NRP1: variants seen among roughly 807,000 people sequenced by gnomAD.
NRP1 encodes neuropilin-1.
NRP1 carries 35 observed loss-of-function variants against 106.7 expected under a neutral mutation model. The ratio of observed to expected loss-of-function variants is 0.33; its 90% CI spans 0.25 to 0.43. The LOEUF is 0.43. Ranked by LOEUF, NRP1 falls within the 20% of genes least tolerant of loss-of-function variation. The pLI, the probability that NRP1 is intolerant of heterozygous loss-of-function variation, is 1.00. For synonymous variants in NRP1, 437 were observed against 417.9 expected, an observed-to-expected ratio of 1.05 and a Z score of -0.56; for missense variants, 1,024 against 1,170.4, an observed-to-expected ratio of 0.87 and a Z score of 1.83.
intron 6 of NRP1, 25 bp downstream of exon 6, chr10:33,254,003 A>G (rs1232919291): frequency 1.3e-6 from 2 of 1,578,956 alleles, no homozygotes; most frequent in African/African-American, 1.4e-5. Context: ...TCAATCCTAG[A>G]TAGGCTTGAT....
At chr10:33,241,769 G>A (rs570133182) in intron 6 of NRP1, among the ~76,000 whole-genome samples, 39 of 151,992 alleles carry the variant, frequency 2.6e-4, no homozygotes, top group African/African-American at 9.2e-4. Context: ...GGTTTTCAGA[G>A]CAATGGAAAT....
intron 8 of NRP1, among the ~76,000 whole-genome samples, chr10:33,220,007 A>G (rs536118576): frequency 1.3e-5 from 2 of 152,338 alleles, no homozygotes; most frequent in Admixed American, 6.5e-5. Context: ...TAACTTTTCA[A>G]TGTCCTTTCT....
chr10:33,244,259 G>C, intron 6 of NRP1, among the ~76,000 whole-genome samples: 1 of 152,132 alleles, frequency 6.6e-6, no homozygotes, highest in East Asian at 1.9e-4. Context: ...CGATATGAAA[G>C]TATTTAAAGC....
chr10:33,203,366 AT>A (rs1331888768), intron 10 of NRP1, among the ~76,000 whole-genome samples: 3 of 152,156 alleles, frequency 2.0e-5, no homozygotes, highest in Middle Eastern at 3.4e-3. Flanking sequence ...TTTCCCTTTC[AT>A]TTTCAAGGTG....
chr10:33,331,112 T>C lies in NRP1; in HGVS notation c.74-230A>G, dbSNP rs183048589. Reference sequence around the variant, plus strand: ...AGCCAACTGAGATCTGAGAGGACTCTTCCCCCCAGCCCCGAAGTTTCTTCC... The same window carrying C: ...AGCCAACTGAGATCTGAGAGGACTCCTCCCCCCAGCCCCGAAGTTTCTTCC... On this transcript the variant is annotated intron_variant, in intron 1 of 16. Coordinates refer to ENST00000374867, the MANE Select transcript of NRP1 (RefSeq NM_003873.7). Among the ~76,000 whole-genome samples, 3 of 152,272 alleles carry C rather than the reference T, an allele frequency of 2.0e-5. No individual in the cohort carries two copies. In the East Asian group the frequency reaches 5.8e-4, roughly 29 times the overall value.
chr10:33,207,312 C>CTT (rs61760422), intron 10 of NRP1, among the ~76,000 whole-genome samples: 26,256 of 150,820 alleles, frequency 0.17, 2,313 homozygotes, highest in Middle Eastern at 0.3. Context: ...TATAAATTAT[C>CTT]TTTTTTTTTA....
intron 11 of NRP1, 172 bp downstream of exon 11, chr10:33,202,719 T>A (rs777380342): frequency 6.4e-7 from 1 of 1,553,430 alleles, no homozygotes. Flanking sequence ...GAACAACTCA[T>A]CTATCCAGAT....
chr10:33,270,903 CT>C, intron 2 of NRP1, 47 bp from the exon 3 acceptor site: 1 of 1,479,000 alleles, frequency 6.8e-7, no homozygotes, highest in Non-Finnish European at 9.1e-7. Flanking sequence ...GAGAAATGCC[CT>C]TTTAATTTCA....
chr10:33,186,431 C>T lies in NRP1; in HGVS notation c.2120G>A (p.Arg707His), dbSNP rs150891261. The T allele has an allele frequency of 1.6e-5, 26 of 1,611,776 alleles. No homozygotes were observed. The highest frequency in any genetic ancestry group is 1.7e-4 in the Middle Eastern group (1 of 6,050). Residue 707 changes from arginine to histidine, a missense_variant, in exon 14 of 17, where the codon CGC becomes CAC. Arg to His is a conservative substitution (Grantham distance 29, BLOSUM62 0). Coordinates refer to ENST00000374867, the MANE Select transcript of NRP1 (RefSeq NM_003873.7). ...GGAATAAACCACAGGGCTCACCAGG[C>T]GAGCCACTTTGCCCTTCTGATTTTC... The part of the protein sequence containing the change: ...ADENQKGKVA[R>H]LVSPVVYSQN...
At chr10:33,275,102 G>A (rs1400990978) in intron 2 of NRP1, among the ~76,000 whole-genome samples, 1 of 152,150 alleles carries the variant, frequency 6.6e-6, no homozygotes. Context: ...CTGCATCTAT[G>A]TTTCTGAGTG....
At chr10:33,271,061 T>C (rs1025589303) in intron 2 of NRP1, among the ~76,000 whole-genome samples, 1 of 152,216 alleles carries the variant, frequency 6.6e-6, no homozygotes, top group East Asian at 1.9e-4. Context: ...TGTATACATC[T>C]GGCAACACAC....
At chr10:33,297,111 A>C in intron 2 of NRP1, among the ~76,000 whole-genome samples, 1 of 152,238 alleles carries the variant, frequency 6.6e-6, no homozygotes. Flanking sequence ...CTGTAATGCA[A>C]AGCAAGCACT....
chr10:33,263,050 G>A (rs1046129938), intron 4 of NRP1, among the ~76,000 whole-genome samples: 17 of 152,200 alleles, frequency 1.1e-4, no homozygotes, highest in African/African-American at 4.1e-4. Flanking sequence ...GACTATAAAT[G>A]ATGTATTGAG....
chr10:33,226,316 G>A (rs1399695119), intron 6 of NRP1, 27 bp from the exon 7 acceptor site: 1 of 1,612,850 alleles, frequency 6.2e-7, no homozygotes. Context: ...AGCGTGGTCA[G>A]TGCACCATCC....
At chr10:33,234,286 C>T (rs1588797616) in intron 6 of NRP1, among the ~76,000 whole-genome samples, 1 of 152,142 alleles carries the variant, frequency 6.6e-6, no homozygotes, top group East Asian at 1.9e-4. Flanking sequence ...TTCTCAGAGT[C>T]ACATAACTTA....
At chr10:33,292,073 T>A (rs1316368279) in intron 2 of NRP1, among the ~76,000 whole-genome samples, 3 of 152,120 alleles carry the variant, frequency 2.0e-5, no homozygotes, top group Non-Finnish European at 4.4e-5. Flanking sequence ...GTGGCTAATA[T>A]TTTGTAGAGA....
intron 2 of NRP1, among the ~76,000 whole-genome samples, chr10:33,323,144 G>T (rs975574828): frequency 6.6e-6 from 1 of 152,078 alleles, no homozygotes; most frequent in African/African-American, 2.4e-5. Context: ...CTGAGACAGA[G>T]AATGGCTTAC....
intron 4 of NRP1, 39 bp downstream of exon 4, chr10:33,263,607 A>G (rs765324564): frequency 2.6e-6 from 4 of 1,511,710 alleles, no homozygotes; most frequent in South Asian, 1.1e-5. Context: ...CCCTTCCTCC[A>G]GAACCTTCCC....
intron 2 of NRP1, chr10:33,288,361 A>G (rs1040206849): frequency 1.3e-5 from 2 of 152,220 alleles, no homozygotes; most frequent in African/African-American, 4.8e-5. Flanking sequence ...TCATAGGCAC[A>G]ATCCCACTAC....
Sources: allele counts gnomAD v4.1 joint callset (sites outside exome capture counted in the v4.1 genomes callset), GRCh38; gene constraint gnomAD v4.1.1; transcripts MANE v1.5; gene names NCBI Gene and HGNC (gene_info 2026-07-23, HGNC 2026-07-21).